The following PDE1C variants were observed in gnomAD, a reference collection of about 807,000 sequenced individuals.
PDE1C encodes the protein dual specificity calcium/calmodulin-dependent 3',5'-cyclic nucleotide phosphodiesterase 1C.
In PDE1C, 62 loss-of-function variants were observed where a neutral mutation model predicts 93.1. The ratio of observed to expected loss-of-function variants is 0.67; its 90% CI spans 0.54 to 0.82. The LOEUF (loss-of-function observed/expected upper bound fraction) is 0.82, where lower values mean the gene tolerates loss of function less well. Among genes scored for constraint, PDE1C ranks in the 40% least tolerant of loss-of-function variants. PDE1C has a pLI of 0.00. For synonymous variants in PDE1C, 325 were observed against 310.1 expected (o/e 1.05, Z -0.50); for missense variants, 742 against 884.6 (o/e 0.84, Z 2.04).
intron 1 of PDE1C, among the ~76,000 whole-genome samples, chr7:32,266,098 C>G (rs1321616874): frequency 7.4e-6 from 1 of 135,708 alleles, no homozygotes; most frequent in African/African-American, 2.9e-5. Flanking sequence ...CATGGTGAAA[C>G]CCCATCTCTA....
At chr7:31,967,890 C>T (rs140727195) in intron 2 of PDE1C, among the ~76,000 whole-genome samples, 20,438 of 152,142 alleles carry the variant, frequency 0.13, 1,674 homozygotes, top group South Asian at 0.19. Flanking sequence ...CAGAAAAGGC[C>T]TTTGACAAAA....
intron 1 of PDE1C, among the ~76,000 whole-genome samples, chr7:32,060,272 C>G (rs542184605): frequency 5.9e-5 from 9 of 152,130 alleles, no homozygotes; most frequent in Non-Finnish European, 1.2e-4. Flanking sequence ...TAAGTCTTGC[C>G]TACCCACTCC....
At chr7:32,348,763 A>G (rs1255871557) in intron 1 of PDE1C, among the ~76,000 whole-genome samples, 3 of 152,168 alleles carry the variant, frequency 2.0e-5, no homozygotes, top group African/African-American at 7.2e-5. Flanking sequence ...CAAAAGATGT[A>G]TCTTAAGCCA....
chr7:31,657,763 T>A, the PDE1C span, among the ~76,000 whole-genome samples: 1 of 152,198 alleles, frequency 6.6e-6, no homozygotes, highest in African/African-American at 2.4e-5. Flanking sequence ...ATAAATGGTA[T>A]CATTGTACTA....
intron 1 of PDE1C, among the ~76,000 whole-genome samples, chr7:32,275,352 C>T (rs890292435): frequency 6.6e-6 from 1 of 152,166 alleles, no homozygotes; most frequent in African/African-American, 2.4e-5. Flanking sequence ...ACACCCAGCC[C>T]CTACTGACAT....
At chr7:31,988,258 G>A (rs765098033) in intron 2 of PDE1C, among the ~76,000 whole-genome samples, 1 of 152,206 alleles carries the variant, frequency 6.6e-6, no homozygotes, top group Non-Finnish European at 1.5e-5. Context: ...ACTCTGCCCA[G>A]ACGCCTACAG....
intron 1 of PDE1C, among the ~76,000 whole-genome samples, chr7:32,282,645 G>T (rs1466478291): frequency 6.3e-5 from 1 of 15,956 alleles, no homozygotes; most frequent in Non-Finnish European, 1.2e-4. Flanking sequence ...GCAATGGCAC[G>T]ATCTCGGCTC....
the PDE1C span, among the ~76,000 whole-genome samples, chr7:31,635,279 T>A: frequency 6.6e-6 from 1 of 152,210 alleles, no homozygotes; most frequent in Non-Finnish European, 1.5e-5. Context: ...GAAGGTACTC[T>A]ATAAAGAGAA....
the PDE1C span, among the ~76,000 whole-genome samples, chr7:31,669,565 A>G: frequency 2.0e-5 from 3 of 152,176 alleles, no homozygotes; most frequent in Non-Finnish European, 2.9e-5. Context: ...TCCCTAGCTC[A>G]CAGCAACAAA....
At chr7:32,381,974 C>A (rs1288204369) in intron 1 of PDE1C, among the ~76,000 whole-genome samples, 1 of 152,114 alleles carries the variant, frequency 6.6e-6, no homozygotes, top group Non-Finnish European at 1.5e-5. Context: ...CTGATTCGAG[C>A]ATTTTTACAT....
intron 1 of PDE1C, among the ~76,000 whole-genome samples, chr7:32,056,940 T>C (rs1262202917): frequency 1.3e-5 from 2 of 152,088 alleles, no homozygotes; most frequent in Non-Finnish European, 2.9e-5. Context: ...GCCCAGCTTT[T>C]CCCATGCATA....
At chr7:32,029,961 C>T (rs1212478512) in intron 2 of PDE1C, among the ~76,000 whole-genome samples, 2 of 151,878 alleles carry the variant, frequency 1.3e-5, no homozygotes, top group Non-Finnish European at 1.5e-5. Flanking sequence ...CCCAATTAAC[C>T]GTGATTTAGC....
intron 1 of PDE1C, among the ~76,000 whole-genome samples, chr7:32,402,466 T>C (rs215735): frequency 0.92 from 139,608 of 151,828 alleles, 65,057 homozygotes; most frequent in Non-Finnish European, 0.99. Flanking sequence ...CAAGCAGAGA[T>C]GGATGTCCCA....
the PDE1C span, among the ~76,000 whole-genome samples, chr7:31,733,139 G>T: frequency 3.3e-5 from 5 of 152,196 alleles, no homozygotes; most frequent in Non-Finnish European, 7.3e-5. Context: ...GACTTATGGT[G>T]CCTAGGTTGT....
rs543126667 is a variant in PDE1C, at chr7:31,991,726, G to T, written c.128+59828C>A. On this transcript the variant is annotated intron_variant, in intron 2 of 17. Transcript: ENST00000396191. ...AATTAAATAAAGTATGTGTATGTCT[G>T]TGTATATGCGTATGTGTGTGGTATG... is the stretch of plus-strand genomic sequence containing the variant. Among the ~76,000 whole-genome samples the T allele has an allele frequency of 7.9e-5, 12 of 152,302 alleles. No individual in the cohort carries two copies. The South Asian group carries it at 2.3e-3, about 29-fold the overall frequency.
intron 16 of PDE1C, chr7:31,788,455 A>G (rs2128654360): frequency 6.6e-6 from 1 of 152,286 alleles, no homozygotes; most frequent in Middle Eastern, 3.4e-3. Flanking sequence ...GAGAGCTTAT[A>G]TCAAATCCTA....
intron 1 of PDE1C, among the ~76,000 whole-genome samples, chr7:32,358,457 C>G (rs1562689210): frequency 6.6e-6 from 1 of 152,210 alleles, no homozygotes; most frequent in Non-Finnish European, 1.5e-5. Context: ...TAGACCACAG[C>G]TCCTTCACAG....
At chr7:32,321,916 A>G (rs1178833191) in intron 1 of PDE1C, among the ~76,000 whole-genome samples, 1 of 152,236 alleles carries the variant, frequency 6.6e-6, no homozygotes, top group Admixed American at 6.5e-5. Context: ...ACTTTTGCTC[A>G]CATAATTAGC....
the PDE1C span, among the ~76,000 whole-genome samples, chr7:31,649,487 A>G: frequency 6.6e-6 from 1 of 152,214 alleles, no homozygotes; most frequent in Non-Finnish European, 1.5e-5. Context: ...TGTCTCTACA[A>G]GGAATGCTGG....
Sources: gnomAD v4.1 joint callset for allele counts (sites outside exome capture counted in the v4.1 genomes callset) on GRCh38, gnomAD v4.1.1 for gene constraint, MANE v1.5 for transcripts, NCBI Gene and HGNC (gene_info 2026-07-23, HGNC 2026-07-21) for gene names.